The following MAGI1 variants were observed in gnomAD, a reference collection of about 807,000 sequenced individuals.
MAGI1 encodes the protein membrane-associated guanylate kinase, WW and PDZ domain-containing protein 1.
A neutral mutation model predicts 139.9 loss-of-function variants in MAGI1; 58 were observed. That is an observed-to-expected ratio of 0.41 (90% CI 0.34 to 0.52). The LOEUF (loss-of-function observed/expected upper bound fraction) is 0.52, where lower values mean the gene tolerates loss of function less well. Ranked by LOEUF, MAGI1 falls within the 20% of genes least tolerant of loss-of-function variation. The pLI, the probability that MAGI1 is intolerant of heterozygous loss-of-function variation, is 0.12. For synonymous variants in MAGI1, 812 were observed against 737.9 expected (o/e 1.10, Z -1.63); for missense variants, 1,874 against 1,901.6 (o/e 0.99, Z 0.27).
chr3:65,502,625 C>G (rs939682054), intron 2 of MAGI1, among the ~76,000 whole-genome samples: 1 of 152,152 alleles, frequency 6.6e-6, no homozygotes, highest in Non-Finnish European at 1.5e-5. Context: ...CAGACAGCTG[C>G]CTTTTTGCTG....
At chr3:66,005,198 T>C (rs951758368) in intron 1 of MAGI1, among the ~76,000 whole-genome samples, 1 of 152,188 alleles carries the variant, frequency 6.6e-6, no homozygotes, top group Non-Finnish European at 1.5e-5. Flanking sequence ...TAAGAATCAA[T>C]GTGACCTACA....
chr3:65,466,156 T>C (rs568591594), intron 5 of MAGI1, among the ~76,000 whole-genome samples: 1 of 152,358 alleles, frequency 6.6e-6, no homozygotes, highest in African/African-American at 2.4e-5. Context: ...TTAAGCATGG[T>C]ATAACTGCTT....
At chr3:65,581,398 C>G (rs938978376) in intron 2 of MAGI1, among the ~76,000 whole-genome samples, 8 of 152,152 alleles carry the variant, frequency 5.3e-5, no homozygotes, top group African/African-American at 1.9e-4. Context: ...CGGAAGTTCT[C>G]TGCTCAAAAA....
Position 65,964,657 on chromosome 3 carries a change from T to G in MAGI1, c.313+73339A>C, listed in dbSNP as rs572454628. Among the ~76,000 whole-genome samples the G allele has an allele frequency of 5.3e-5, 8 of 152,296 alleles. No homozygotes were observed. The East Asian group carries it at 1.5e-3, about 29-fold the overall frequency. On this transcript the variant is annotated intron_variant, in intron 1 of 22. Transcript: ENST00000402939. ...CAGGGCTATCGCCCTTAACTTCCAC[T>G]CCTCTCCAAACTTCAGGTTGTTTAG...
At chr3:65,957,450 G>C (rs1366666707) in intron 1 of MAGI1, among the ~76,000 whole-genome samples, 3 of 151,056 alleles carry the variant, frequency 2.0e-5, no homozygotes, top group African/African-American at 7.3e-5. Context: ...GAGCCTGGGA[G>C]GTGGAGGCTG....
At chr3:65,362,835 A>C (rs1252631507) in intron 21 of MAGI1, among the ~76,000 whole-genome samples, 1 of 152,236 alleles carries the variant, frequency 6.6e-6, no homozygotes, top group Admixed American at 6.5e-5. Context: ...TTAATCATCT[A>C]ATCTGCCCAG....
At chr3:65,788,496 G>A (rs533994746) in intron 1 of MAGI1, among the ~76,000 whole-genome samples, 1 of 152,232 alleles carries the variant, frequency 6.6e-6, no homozygotes, top group Admixed American at 6.5e-5. Flanking sequence ...CTATTCTAGG[G>A]AACTGCTCTT....
intron 1 of MAGI1, among the ~76,000 whole-genome samples, chr3:65,807,051 A>G (rs1446248428): frequency 6.6e-6 from 1 of 152,226 alleles, no homozygotes; most frequent in African/African-American, 2.4e-5. Context: ...TTCTTCTGTA[A>G]GACCACCCTA....
At chr3:65,496,073 G>A (rs925160854) in intron 2 of MAGI1, among the ~76,000 whole-genome samples, 22 of 152,070 alleles carry the variant, frequency 1.4e-4, no homozygotes, top group African/African-American at 5.1e-4. Context: ...ACAGAGTCTC[G>A]CTCTATCGCT....
chr3:65,360,204 A>C (rs1159569661), intron 22 of MAGI1: 2 of 985,248 alleles, frequency 2.0e-6, no homozygotes, highest in African/African-American at 3.5e-5. Flanking sequence ...ATTGTGCAGA[A>C]TGACTTTCAG....
intron 1 of MAGI1, among the ~76,000 whole-genome samples, chr3:65,778,880 A>AC (rs1215844977): frequency 6.6e-6 from 1 of 152,134 alleles, no homozygotes; most frequent in Non-Finnish European, 1.5e-5. Context: ...GGACAGTTAT[A>AC]CCCCCCAGGG....
intron 14 of MAGI1, among the ~76,000 whole-genome samples, chr3:65,390,600 G>C (rs1943844545): frequency 6.6e-6 from 1 of 152,092 alleles, no homozygotes; most frequent in Admixed American, 6.5e-5. Flanking sequence ...TTATAGAAAA[G>C]GTAAAGCACT....
intron 1 of MAGI1, among the ~76,000 whole-genome samples, chr3:65,963,047 C>A (rs1290555326): frequency 6.7e-6 from 1 of 150,178 alleles, no homozygotes. Flanking sequence ...TAATGACAAT[C>A]TGGCCAGGCG....
chr3:65,501,208 C>T (rs1007385864), intron 2 of MAGI1, among the ~76,000 whole-genome samples: 7 of 152,006 alleles, frequency 4.6e-5, no homozygotes, highest in Admixed American at 6.6e-5. Context: ...AGGCCAGGTG[C>T]GGTGGCACAT....
chr3:65,723,274 TG>T (rs1238317212), intron 1 of MAGI1, among the ~76,000 whole-genome samples: 1 of 152,190 alleles, frequency 6.6e-6, no homozygotes, highest in Non-Finnish European at 1.5e-5. Context: ...AAGCATCTTG[TG>T]TCTACAAGAG....
At chr3:65,752,172 C>T (rs1005925947) in intron 1 of MAGI1, among the ~76,000 whole-genome samples, 2 of 152,144 alleles carry the variant, frequency 1.3e-5, no homozygotes, top group African/African-American at 2.4e-5. Flanking sequence ...TGGTTGCAAA[C>T]TCCTGCACTC....
At chr3:65,367,268 G>A (rs1941517878) in intron 18 of MAGI1, among the ~76,000 whole-genome samples, 1 of 152,162 alleles carries the variant, frequency 6.6e-6, no homozygotes, top group South Asian at 2.1e-4. Flanking sequence ...AGAGTTTTCT[G>A]AGCAGATCAG....
Position 66,038,414 on chromosome 3 carries a change from A to C in MAGI1, c.-106T>G. The C allele has an allele frequency of 2.8e-6, 4 of 1,428,782 alleles. No homozygotes were observed. The highest frequency in any genetic ancestry group is 1.4e-5 in the South Asian group (1 of 70,240). The allele number at this position is 1,428,782 out of a possible 1,614,324, so 88.5% of individuals were successfully genotyped here. A position where few individuals can be genotyped will look rare whatever the true frequency, so the allele number is the denominator to read the frequency against. The stretch of plus-strand genomic sequence containing the variant: ...TTCATGGGAGAAACATCTCTCCCCA[A>C]ATCACAAAACAGGAGAGAGAAACTT... On this transcript the variant is annotated 5_prime_UTR_variant, in exon 1 of 23. It adds an upstream start codon to the 5' untranslated region. Coordinates refer to ENST00000402939, the MANE Select transcript of MAGI1 (RefSeq NM_001033057.2).
chr3:65,692,749 C>A (rs1299057780), intron 1 of MAGI1, among the ~76,000 whole-genome samples: 3 of 152,086 alleles, frequency 2.0e-5, no homozygotes, highest in East Asian at 1.9e-4. Context: ...GGTGAGTTGT[C>A]ATGAGACTGA....
Sources: allele counts gnomAD v4.1 joint callset (sites outside exome capture counted in the v4.1 genomes callset), GRCh38; gene constraint gnomAD v4.1.1; transcripts MANE v1.5; gene names NCBI Gene and HGNC (gene_info 2026-07-23, HGNC 2026-07-21).